ZNF45: variants seen among roughly 807,000 people sequenced by gnomAD.
The protein encoded by ZNF45 is zinc finger protein 45.
Under a neutral mutation model 12.0 loss-of-function variants are expected in ZNF45, and 4 were observed. That is an observed-to-expected ratio of 0.33 (90% CI 0.16 to 0.76). The LOEUF (loss-of-function observed/expected upper bound fraction) is 0.76. Ranked by LOEUF, ZNF45 falls within the 30% of genes least tolerant of loss-of-function variation. ZNF45 has a pLI of 0.60. For synonymous variants in ZNF45, 272 were observed against 279.6 expected, an observed-to-expected ratio of 0.97 and a Z score of 0.27; for missense variants, 700 against 813.0, an observed-to-expected ratio of 0.86 and a Z score of 1.69.
chr19:43,926,718 A>T (rs1973709805), intron 3 of ZNF45, among the ~76,000 whole-genome samples: 1 of 152,216 alleles, frequency 6.6e-6, no homozygotes, highest in Non-Finnish European at 1.5e-5. Flanking sequence ...AGTGGAATGC[A>T]GGGGTTCTAC....
In ZNF45 at chr19:43,919,672, C is replaced by G; in HGVS notation, c.43G>C (p.Val15Leu). The part of the protein sequence containing the change: ...KEAVTFKDVA[V>L]VFSEEELQLL... ...TGCAGCTCCTCCTCAGAGAAGACCA[C>G]AGCCACGTCCTTGAATGTCACTGCC... The change falls in exon 8 of 10, where the codon GTG becomes CTG. Residue 15 changes from valine to leucine, a missense_variant. Val to Leu is a conservative substitution (Grantham distance 32). Transcript: ENST00000269973. 2 of 1,612,620 alleles carry G rather than the reference C, an allele frequency of 1.2e-6. No homozygotes were observed. Among genetic ancestry groups the G allele is most frequent in the Non-Finnish European group, 1.7e-6 (2 of 1,179,068 alleles).
chr19:43,922,294 T>C, intron 6 of ZNF45, 77 bp from the exon 7 acceptor site: 1 of 1,011,086 alleles, frequency 9.9e-7, no homozygotes. Flanking sequence ...ACCATAGCTG[T>C]TTTTTTGTTT....
At chr19:43,929,064 C>T (rs145242563) in intron 3 of ZNF45, among the ~76,000 whole-genome samples, 2,218 of 152,350 alleles carry the variant, frequency 0.015, 15 homozygotes, top group Non-Finnish European at 0.022. Flanking sequence ...AACAAGTGGT[C>T]AACAGAAAAG....
rs1232935007 is a variant in ZNF45 at position 43,912,751 on chromosome 19, C to T, written c.*636G>A. The T allele has an allele frequency of 3.3e-5, 5 of 152,204 alleles. No homozygotes were observed. The highest frequency in any genetic ancestry group is 9.7e-5 in the African/African-American group (4 of 41,442). 9.4% of individuals were successfully genotyped at this position (152,204 alleles called of 1,614,324 possible). On this transcript the variant is annotated 3_prime_UTR_variant, in exon 10 of 10. Transcript: ENST00000269973. ...ATGAACTTGAGACTTGTGCATGTTA[C>T]TGCATGCAGATTACACCTCAATAAA...
At position 43,918,798 on chromosome 19, in the gene ZNF45, T is replaced by C. The variant is rs1972892993; in HGVS notation, c.235+72A>G. ...TTCTAGACTATGCCTTCGTCACACA[T>C]TTTTGTTTGCCAACCTTGGAATATC... On this transcript the variant is annotated intron_variant, in intron 9 of 9. Coordinates refer to ENST00000269973, the MANE Select transcript of ZNF45 (RefSeq NM_003425.4). 4 of 1,351,050 alleles carry C rather than the reference T, an allele frequency of 3.0e-6. No individual in the cohort carries two copies. The East Asian group carries it at 6.9e-5, about 23-fold the overall frequency. 83.7% of individuals were successfully genotyped at this position (1,351,050 alleles called of 1,614,324 possible). A position where few individuals can be genotyped will look rare whatever the true frequency, so the allele number is the denominator to read the frequency against.
chr19:43,934,665 T>C lies in ZNF45; in HGVS notation c.-726A>G, dbSNP rs1172666865. ...GATGCACTCTTTCTTAAAAAACGGG[T>C]CAGGCATAGTCCAAGAACAGCCTCC... On this transcript the variant is annotated 5_prime_UTR_variant, in exon 2 of 10. Coordinates refer to ENST00000269973, the MANE Select transcript of ZNF45 (RefSeq NM_003425.4). 6.6e-6 allele frequency: 1 copy of C among 152,050 alleles called. No individual in the cohort carries two copies. Among genetic ancestry groups the C allele is most frequent in the Admixed American group, 6.6e-5 (1 of 15,262 alleles). 9.4% of individuals were successfully genotyped at this position (152,050 alleles called of 1,614,324 possible).
chr19:43,919,122 C>A (rs561424808), intron 8 of ZNF45, among the ~76,000 whole-genome samples, 160 bp from the exon 9 acceptor site: 35 of 152,190 alleles, frequency 2.3e-4, no homozygotes, highest in African/African-American at 7.9e-4. Context: ...TGCAAAGACC[C>A]AAGATATGCA....
chr19:43,915,292 G>A, intron 9 of ZNF45, 92 bp from the exon 10 acceptor site: 1 of 1,302,222 alleles, frequency 7.7e-7, no homozygotes, highest in Non-Finnish European at 1.0e-6. Flanking sequence ...ATAGCCTAAG[G>A]CTTCATTGAA....
At chr19:43,920,266 T>C (rs1973019901) in intron 7 of ZNF45, among the ~76,000 whole-genome samples, 1 of 152,186 alleles carries the variant, frequency 6.6e-6, no homozygotes, top group African/African-American at 2.4e-5. Context: ...TTTTATCTTA[T>C]AACTCTGTAA....
chr19:43,925,895 A>G (rs1209280653), intron 3 of ZNF45, among the ~76,000 whole-genome samples: 1 of 152,224 alleles, frequency 6.6e-6, no homozygotes, highest in African/African-American at 2.4e-5. Flanking sequence ...GGCCTCCCAA[A>G]GTGCTGGGAT....
rs753613724 is a variant in ZNF45, at chr19:43,914,026, T to C, written c.1410A>G (p.Lys470=). 2.5e-6 allele frequency: 4 copies of C among 1,613,984 alleles called. No individual in the cohort carries two copies. Among genetic ancestry groups the C allele is most frequent in the Non-Finnish European group, 3.4e-6 (4 of 1,179,988 alleles). ...TCCCACATGTACCACATTTGTAGGG[T>C]TTCTCTCCAGTGTGGCCTCTTTGAT... ...LAHQRGHTGE[K]PYKCGTCGKG... is the part of the protein sequence containing the mutation. Residue 470 remains lysine (K), a synonymous_variant, in exon 10 of 10, where the codon AAA becomes AAG. Coordinates refer to ENST00000269973, the MANE Select transcript of ZNF45 (RefSeq NM_003425.4).
intron 6 of ZNF45, among the ~76,000 whole-genome samples, chr19:43,923,765 C>T (rs1161414039): frequency 6.6e-6 from 1 of 152,084 alleles, no homozygotes; most frequent in East Asian, 1.9e-4. Flanking sequence ...CATTCCCCCT[C>T]CCAGCCCCTG....
chr19:43,914,594 C>A lies in ZNF45; in HGVS notation c.842G>T (p.Cys281Phe). Residue 281 changes from cysteine to phenylalanine, a missense_variant, in exon 10 of 10, where the codon TGT becomes TTT. Physicochemically the swap from Cys to Phe is radical, Grantham distance 205. Transcript: ENST00000269973. Reference protein sequence around the residue: ...TGEKPYKCEECGVGFSQRSYL... With the variant: ...TGEKPYKCEEFGVGFSQRSYL... ...TGATCTCTGACTGAAGCCCACCCCA[C>A]ACTCCTCACATTTATAGGGTTTCTC... 6.2e-7 allele frequency: 1 copy of A among 1,613,714 alleles called. No homozygotes were observed. The highest frequency in any genetic ancestry group is 8.5e-7 in the Non-Finnish European group (1 of 1,179,784).
intron 3 of ZNF45, among the ~76,000 whole-genome samples, chr19:43,930,256 TC>T (rs1384665778): frequency 4.6e-5 from 7 of 152,164 alleles, no homozygotes; most frequent in Admixed American, 6.5e-5. Flanking sequence ...CTTCATGCCC[TC>T]ATGACTTAAT....
intron 7 of ZNF45, 60 bp downstream of exon 7, chr19:43,922,111 G>A (rs973921425): frequency 6.4e-7 from 1 of 1,566,200 alleles, no homozygotes; most frequent in African/African-American, 1.4e-5. Flanking sequence ...AGAATAAGGT[G>A]TATGTAATCT....
chr19:43,913,278 T>C lies in ZNF45; in HGVS notation c.*109A>G. 5.4e-6 allele frequency: 7 copies of C among 1,302,710 alleles called. No individual in the cohort carries two copies. The highest frequency in any genetic ancestry group is 7.3e-6 in the Non-Finnish European group (7 of 957,142). 80.7% of individuals were successfully genotyped at this position (1,302,710 alleles called of 1,614,324 possible). A position where few individuals can be genotyped will look rare whatever the true frequency, so the allele number is the denominator to read the frequency against. On this transcript the variant is annotated 3_prime_UTR_variant, in exon 10 of 10. Transcript: ENST00000269973. ...CTTGTGAGGCTTCTCTGCTGTGTGGTCTCCCAATCACTTGGCTGAACTACT... is the reference window on the plus strand; with the variant it reads ...CTTGTGAGGCTTCTCTGCTGTGTGGCCTCCCAATCACTTGGCTGAACTACT...
At chr19:43,930,883 A>G (rs1974085793) in intron 3 of ZNF45, among the ~76,000 whole-genome samples, 1 of 152,052 alleles carries the variant, frequency 6.6e-6, no homozygotes, top group African/African-American at 2.4e-5. Flanking sequence ...CTCAACTTGT[A>G]ATCAGTATAA....
intron 7 of ZNF45, among the ~76,000 whole-genome samples, chr19:43,921,664 T>G (rs1250287203): frequency 6.6e-6 from 1 of 152,188 alleles, no homozygotes; most frequent in Non-Finnish European, 1.5e-5. Flanking sequence ...TGGTTATTTG[T>G]GGGAAAACTG....
chr19:43,921,923 T>C (rs1973217976), intron 7 of ZNF45, among the ~76,000 whole-genome samples: 2 of 152,236 alleles, frequency 1.3e-5, no homozygotes, highest in Middle Eastern at 3.4e-3. Context: ...AGGGAAACAG[T>C]AGGAAAATGA....
Sources: gnomAD v4.1 joint callset for allele counts (sites outside exome capture counted in the v4.1 genomes callset) on GRCh38, gnomAD v4.1.1 for gene constraint, MANE v1.5 for transcripts, NCBI Gene and HGNC (gene_info 2026-07-23, HGNC 2026-07-21) for gene names.